TBX15: variants seen among roughly 807,000 people sequenced by gnomAD.
TBX15 encodes T-box transcription factor TBX15.
A neutral mutation model predicts 53.9 loss-of-function variants in TBX15; 18 were observed. That is an observed-to-expected ratio of 0.33 (90% CI 0.23 to 0.49). The LOEUF (loss-of-function observed/expected upper bound fraction) is 0.49, where lower values mean the gene tolerates loss of function less well. Among genes scored for constraint, TBX15 ranks in the 20% least tolerant of loss-of-function variants. The pLI is 0.98. For missense variants in TBX15, 692 were observed against 749.5 expected (o/e 0.92, Z 0.90); for synonymous variants, 295 against 278.0 (o/e 1.06, Z -0.61).
chr1:118,954,504 G>T (rs1656615225), intron 1 of TBX15, among the ~76,000 whole-genome samples: 1 of 152,134 alleles, frequency 6.6e-6, no homozygotes, highest in African/African-American at 2.4e-5. Flanking sequence ...CCTACAACAG[G>T]ATCACAGAAG....
chr1:118,902,923 C>A (rs1015798199), intron 6 of TBX15, among the ~76,000 whole-genome samples: 1 of 152,098 alleles, frequency 6.6e-6, no homozygotes, highest in Non-Finnish European at 1.5e-5. Flanking sequence ...AAAGTGAATT[C>A]ATTGTCTAAC....
intron 1 of TBX15, among the ~76,000 whole-genome samples, chr1:118,981,839 G>T (rs1657663364): frequency 6.6e-6 from 1 of 152,162 alleles, no homozygotes; most frequent in African/African-American, 2.4e-5. Flanking sequence ...GCTGTTCCCA[G>T]TGCAGACCCC....
chr1:118,907,964 G>C (rs1048035948), intron 6 of TBX15, among the ~76,000 whole-genome samples: 1 of 152,168 alleles, frequency 6.6e-6, no homozygotes, highest in African/African-American at 2.4e-5. Flanking sequence ...AGGGTCTCAA[G>C]GGTGTGTGTG....
intron 5 of TBX15, among the ~76,000 whole-genome samples, chr1:118,919,344 A>C (rs1176405881): frequency 1.3e-5 from 2 of 152,144 alleles, no homozygotes; most frequent in Non-Finnish European, 2.9e-5. Flanking sequence ...TTATTCCCAC[A>C]TCTACCATTT....
Position 118,899,105 on chromosome 1 carries a change from A to G in TBX15, c.947T>C (p.Met316Thr). ...GRNRTGLEAI[M>T]ETYAFWRPPV... ...AGGTCTCCAGAATGCATATGTCTCC[A>G]TGATGGCTTCAAGTCCAGTTCTGAC... is the stretch of plus-strand genomic sequence containing the variant. Residue 316 changes from methionine (M) to threonine (T), a missense_variant, in exon 7 of 8, where the codon ATG becomes ACG. By Grantham distance (81) the Met-to-Thr change is moderately conservative. Coordinates refer to ENST00000369429, the MANE Select transcript of TBX15 (RefSeq NM_001330677.2). The G allele has an allele frequency of 1.2e-6, 2 of 1,613,634 alleles. No homozygotes were observed. Among genetic ancestry groups the G allele is most frequent in the Non-Finnish European group, 8.5e-7 (1 of 1,179,694 alleles).
intron 6 of TBX15, among the ~76,000 whole-genome samples, chr1:118,907,764 C>T (rs1233867706): frequency 6.6e-6 from 1 of 152,156 alleles, no homozygotes; most frequent in Non-Finnish European, 1.5e-5. Flanking sequence ...GGGTGGCCAA[C>T]CTCAAAGACA....
At chr1:118,957,648 T>C (rs562844753) in intron 1 of TBX15, among the ~76,000 whole-genome samples, 2 of 152,184 alleles carry the variant, frequency 1.3e-5, no homozygotes, top group African/African-American at 4.8e-5. Context: ...CAGGCCGCGG[T>C]GTGTGATGTT....
rs1332871960 is a variant in TBX15, at chr1:118,939,432, A to C, written c.206-7600T>G. ...CAAAAAAAAAAAAAAAAAAAAAAAA[A>C]AAAACAAAAACAGGAACAGAAAACC... On this transcript the variant is annotated intron_variant, in intron 1 of 7. Transcript: ENST00000369429. Among the ~76,000 whole-genome samples the C allele has an allele frequency of 5.8e-5, 5 of 85,624 alleles. 1 individual carries two copies. The highest frequency in any genetic ancestry group is 1.0e-4 in the African/African-American group (2 of 20,004). The allele number at this position is 85,624 out of a possible 152,430, so 56.2% of individuals were successfully genotyped here.
chr1:118,910,027 G>T (rs1199772158), intron 6 of TBX15, among the ~76,000 whole-genome samples: 1 of 152,140 alleles, frequency 6.6e-6, no homozygotes, highest in African/African-American at 2.4e-5. Flanking sequence ...GAGGCTTATG[G>T]GCTGAGAGAG....
chr1:118,901,718 T>C (rs539698959), intron 6 of TBX15, among the ~76,000 whole-genome samples: 1 of 152,256 alleles, frequency 6.6e-6, no homozygotes, highest in South Asian at 2.1e-4. Context: ...TTGGTATATA[T>C]ATATCCCCAG....
chr1:118,893,414 AAG>A (rs1279326111), intron 7 of TBX15, among the ~76,000 whole-genome samples: 4 of 138,326 alleles, frequency 2.9e-5, no homozygotes, highest in African/African-American at 1.1e-4. Flanking sequence ...AGAAAGGAAG[AAG>A]GAAAGAAAGA....
intron 1 of TBX15, among the ~76,000 whole-genome samples, chr1:118,970,712 T>G (rs1276056743): frequency 5.3e-5 from 8 of 152,156 alleles, no homozygotes; most frequent in Admixed American, 5.2e-4. Flanking sequence ...ACTGTGCAGT[T>G]TTTTAATGCA....
At chr1:118,976,847 C>A (rs752587199) in intron 1 of TBX15, among the ~76,000 whole-genome samples, 1 of 152,188 alleles carries the variant, frequency 6.6e-6, no homozygotes, top group Non-Finnish European at 1.5e-5. Flanking sequence ...CCCACACATT[C>A]CATTTAAAGC....
At chr1:118,951,433 C>T (rs1656506860) in intron 1 of TBX15, among the ~76,000 whole-genome samples, 1 of 152,156 alleles carries the variant, frequency 6.6e-6, no homozygotes, top group South Asian at 2.1e-4. Context: ...GGAGAAAGTC[C>T]AGTGGAGGGG....
At chr1:118,927,582 G>A (rs34343782) in intron 2 of TBX15, among the ~76,000 whole-genome samples, 1 of 152,184 alleles carries the variant, frequency 6.6e-6, no homozygotes. Context: ...GAAGGACCCT[G>A]TGGAATTGGA....
At chr1:118,972,123 T>G (rs536486724) in intron 1 of TBX15, among the ~76,000 whole-genome samples, 1 of 152,310 alleles carries the variant, frequency 6.6e-6, no homozygotes, top group South Asian at 2.1e-4. Flanking sequence ...AGAAACACCC[T>G]GGTGCCATTT....
At chr1:118,941,080 A>G (rs771467299) in intron 1 of TBX15, among the ~76,000 whole-genome samples, 1 of 152,146 alleles carries the variant, frequency 6.6e-6, no homozygotes, top group Non-Finnish European at 1.5e-5. Context: ...GAAGCGATAC[A>G]TTATCTCATC....
intron 2 of TBX15, among the ~76,000 whole-genome samples, chr1:118,926,874 T>TTGTGTGTGTG (rs34081549): frequency 1.3e-4 from 20 of 149,076 alleles, no homozygotes; most frequent in Middle Eastern, 3.4e-3. Flanking sequence ...CCCAGCTAAT[T>TTGTGTGTGTG]TGTGTGTGTG....
At chr1:118,885,598 G>A (rs1473779851) in intron 7 of TBX15, 82 bp from the exon 8 acceptor site, 1 of 1,520,344 alleles carries the variant, frequency 6.6e-7, no homozygotes, top group Non-Finnish European at 8.9e-7. Context: ...CATACAGGAG[G>A]TGCCTTCAAA....
Sources: allele counts gnomAD v4.1 joint callset (sites outside exome capture counted in the v4.1 genomes callset), GRCh38; gene constraint gnomAD v4.1.1; transcripts MANE v1.5; gene names NCBI Gene and HGNC (gene_info 2026-07-23, HGNC 2026-07-21).